Variants in ANKRD30A observed in about 807,000 individuals in gnomAD.
The protein encoded by ANKRD30A is ankyrin repeat domain-containing protein 30A.
In ANKRD30A, 170 loss-of-function variants were observed where a neutral mutation model predicts 166.3. The observed-to-expected ratio is 1.02, with a 90% CI of 0.90 to 1.16. The LOEUF is 1.16. Among genes scored for constraint, ANKRD30A ranks in the 50% most tolerant of loss-of-function variants. The pLI is 0.00. For synonymous variants in ANKRD30A, 564 were observed against 508.9 expected, an observed-to-expected ratio of 1.11 and a Z score of -1.46; for missense variants, 1,630 against 1,518.0, an observed-to-expected ratio of 1.07 and a Z score of -1.23.
intron 27 of ANKRD30A, among the ~76,000 whole-genome samples, chr10:37,196,667 C>T (rs1223259294): frequency 1.3e-5 from 2 of 151,278 alleles, no homozygotes. Context: ...TAGATTATTT[C>T]CATGATGAGT....
chr10:37,161,776 G>A (rs1422062525), intron 15 of ANKRD30A, among the ~76,000 whole-genome samples: 11 of 152,086 alleles, frequency 7.2e-5, no homozygotes, highest in Non-Finnish European at 1.6e-4. Context: ...AAGAACATTG[G>A]CTTTATGTTT....
chr10:37,199,512 G>C (rs1045960304), intron 29 of ANKRD30A, among the ~76,000 whole-genome samples: 3 of 151,942 alleles, frequency 2.0e-5, no homozygotes, highest in East Asian at 1.9e-4. Context: ...TTATATTTTT[G>C]TGCATTCTAA....
chr10:37,162,630 A>T lies in ANKRD30A; in HGVS notation c.1901-19A>T. 1 of 1,611,894 alleles carries T rather than the reference A, an allele frequency of 6.2e-7. No homozygotes were observed. The highest frequency in any genetic ancestry group is 8.5e-7 in the Non-Finnish European group (1 of 1,179,672). The stretch of plus-strand genomic sequence containing the variant: ...TCATATTTACATATGATTGATGATA[A>T]ATCTCTTTTGCTTTTTAGAGCCTCC... On this transcript the variant is annotated intron_variant, in intron 15 of 35. Transcript: ENST00000361713.
downstream of ANKRD30A, among the ~76,000 whole-genome samples, chr10:37,233,722 T>G (rs1241002468): frequency 6.6e-6 from 1 of 152,164 alleles, no homozygotes; most frequent in East Asian, 1.9e-4. Context: ...TTCTTAGAGA[T>G]ACAGAAAGAA....
At chr10:37,178,071 T>C (rs1364228690) in intron 24 of ANKRD30A, among the ~76,000 whole-genome samples, 1 of 151,224 alleles carries the variant, frequency 6.6e-6, no homozygotes. Flanking sequence ...AGAGAGTACA[T>C]GAAGGAACAA....
the ANKRD30A span, among the ~76,000 whole-genome samples, chr10:37,246,890 T>C: frequency 6.6e-6 from 1 of 152,150 alleles, no homozygotes; most frequent in Non-Finnish European, 1.5e-5. Flanking sequence ...CCCTCAGTGA[T>C]AATAAAAAAT....
intron 29 of ANKRD30A, among the ~76,000 whole-genome samples, chr10:37,198,492 A>AT (rs1841343106): frequency 1.3e-5 from 2 of 152,178 alleles, no homozygotes; most frequent in African/African-American, 2.4e-5. Context: ...TTATCTGCTG[A>AT]TTTTTTGGTT....
intron 34 of ANKRD30A, among the ~76,000 whole-genome samples, chr10:37,223,143 T>G (rs561433904): frequency 2.4e-4 from 37 of 151,468 alleles, no homozygotes; most frequent in African/African-American, 8.7e-4. Flanking sequence ...TTTAAAAGTT[T>G]CAAATTTTGA....
chr10:37,254,667 T>G, the ANKRD30A span, among the ~76,000 whole-genome samples: 1 of 149,086 alleles, frequency 6.7e-6, no homozygotes, highest in African/African-American at 2.5e-5. Flanking sequence ...GTTGTCCTTT[T>G]CTTTTCTTTT....
downstream of ANKRD30A, among the ~76,000 whole-genome samples, chr10:37,236,684 G>T (rs1487773180): frequency 6.6e-6 from 1 of 152,184 alleles, no homozygotes; most frequent in African/African-American, 2.4e-5. Context: ...GTTCAGGTTT[G>T]TCTTTGTGTG....
intron 13 of ANKRD30A, among the ~76,000 whole-genome samples, chr10:37,156,777 G>A (rs1290491136): frequency 2.6e-5 from 4 of 152,138 alleles, no homozygotes; most frequent in Non-Finnish European, 2.9e-5. Context: ...TGCTTCAGAA[G>A]TAACTTTTAA....
chr10:37,125,638 TGCA>T lies in ANKRD30A; in HGVS notation c.-149_-147del. ...GATTCTACTGAGAGAGGCCTGAGTGTGCAAGAGCTTGGCGAACACAGAACTTTT... is the reference window on the plus strand; with the variant it reads ...GATTCTACTGAGAGAGGCCTGAGTGTAGAGCTTGGCGAACACAGAACTTTT... On this transcript the variant is annotated 5_prime_UTR_variant, in exon 1 of 36. Transcript: ENST00000361713. 2.2e-5 allele frequency: 8 copies of T among 365,450 alleles called. No homozygotes were observed. The highest frequency in any genetic ancestry group is 1.1e-4 in the East Asian group (2 of 18,290). The allele number at this position is 365,450 out of a possible 1,614,324, so 22.6% of individuals were successfully genotyped here. A position where few individuals can be genotyped will look rare whatever the true frequency, so the allele number is the denominator to read the frequency against.
intron 15 of ANKRD30A, among the ~76,000 whole-genome samples, chr10:37,161,546 G>C (rs560213933): frequency 3.3e-5 from 5 of 152,144 alleles, no homozygotes; most frequent in South Asian, 2.1e-4. Flanking sequence ...GGTAATTCTG[G>C]AGACTCTGAG....
chr10:37,150,757 T>C (rs542098754), intron 11 of ANKRD30A, among the ~76,000 whole-genome samples: 30 of 152,264 alleles, frequency 2.0e-4, no homozygotes, highest in African/African-American at 5.5e-4. Flanking sequence ...ATTTTTATGC[T>C]GATAAGTAAT....
rs781444410 is a variant in ANKRD30A, at chr10:37,141,869, A to G, written c.972A>G (p.Thr324=). The change falls in exon 7 of 36, where the codon ACA becomes ACG. Residue 324 remains threonine, a synonymous_variant. Transcript: ENST00000361713. ...PDTAESLVEK[T]PDEAASLVEG... ...CGGCTGAAAGCTTGGTGGAAAAAACACCTGATGAGGCTGCATCCTTGGTGG... is the reference window on the plus strand; with the variant it reads ...CGGCTGAAAGCTTGGTGGAAAAAACGCCTGATGAGGCTGCATCCTTGGTGG... 3 of 1,607,356 alleles carry G rather than the reference A, an allele frequency of 1.9e-6. No homozygotes were observed. Among genetic ancestry groups the G allele is most frequent in the African/African-American group, 2.7e-5 (2 of 72,982 alleles).
chr10:37,250,366 T>A, the ANKRD30A span, among the ~76,000 whole-genome samples: 3 of 151,806 alleles, frequency 2.0e-5, no homozygotes, highest in East Asian at 5.8e-4. Flanking sequence ...ATGGCCAGGA[T>A]CAAGCAGAGG....
chr10:37,249,998 G>A, the ANKRD30A span, among the ~76,000 whole-genome samples: 4 of 152,084 alleles, frequency 2.6e-5, no homozygotes, highest in African/African-American at 9.7e-5. Flanking sequence ...TTGGAGAGGA[G>A]GGAGTGTGTT....
intron 31 of ANKRD30A, among the ~76,000 whole-genome samples, chr10:37,203,666 T>C (rs1841800172): frequency 6.6e-6 from 1 of 152,192 alleles, no homozygotes; most frequent in Admixed American, 6.5e-5. Flanking sequence ...AAATGAATGG[T>C]ATTCAATAAG....
intron 31 of ANKRD30A, among the ~76,000 whole-genome samples, chr10:37,201,580 A>C (rs545501773): frequency 3.7e-4 from 56 of 152,078 alleles, no homozygotes; most frequent in Non-Finnish European, 6.3e-4. Flanking sequence ...GAAAATAAGA[A>C]AGAAGAAAGT....
Sources: allele counts gnomAD v4.1 joint callset (sites outside exome capture counted in the v4.1 genomes callset), GRCh38; gene constraint gnomAD v4.1.1; transcripts MANE v1.5; gene names NCBI Gene and HGNC (gene_info 2026-07-23, HGNC 2026-07-21).